The following HDAC9 variants were observed in gnomAD, a reference collection of about 807,000 sequenced individuals.
The protein encoded by HDAC9 is MEF-2 interacting transcription repressor (MITR) protein.
In HDAC9, 41 loss-of-function variants were observed where a neutral mutation model predicts 139.4. The ratio of observed to expected loss-of-function variants is 0.29; its 90% CI spans 0.23 to 0.38. The LOEUF (loss-of-function observed/expected upper bound fraction) is 0.38. Among genes scored for constraint, HDAC9 ranks in the 10% least tolerant of loss-of-function variants. The probability of loss-of-function intolerance (pLI) is 1.00; values close to 1 mark genes in which losing one functional copy is unlikely to be tolerated. For synonymous variants in HDAC9, 517 were observed against 476.2 expected (o/e 1.09, Z -1.12); for missense variants, 1,147 against 1,297.0 (o/e 0.88, Z 1.78).
At chr7:18,825,832 A>G (rs1201490333) in intron 17 of HDAC9, among the ~76,000 whole-genome samples, 3 of 148,284 alleles carry the variant, frequency 2.0e-5, no homozygotes, top group East Asian at 1.9e-4. Flanking sequence ...ACATATATAC[A>G]TATATGCACA....
intron 16 of HDAC9, among the ~76,000 whole-genome samples, chr7:18,789,318 T>C (rs2129176689): frequency 7.3e-6 from 1 of 137,386 alleles, no homozygotes; most frequent in East Asian, 2.1e-4. Flanking sequence ...ACAGTCTCTC[T>C]CTCTCTCTCT....
chr7:18,382,778 A>G (rs1374896475), intron 1 of HDAC9, among the ~76,000 whole-genome samples: 2 of 152,258 alleles, frequency 1.3e-5, no homozygotes, highest in African/African-American at 4.8e-5. Flanking sequence ...AATTATTTGG[A>G]AACAGTTATA....
At chr7:18,587,730 A>G (rs1218641718) in intron 3 of HDAC9, among the ~76,000 whole-genome samples, 1 of 152,190 alleles carries the variant, frequency 6.6e-6, no homozygotes. Flanking sequence ...TCTGCCTCCA[A>G]AGCTCTTAAG....
chr7:18,815,523 G>C (rs1461388583), intron 17 of HDAC9, among the ~76,000 whole-genome samples: 1 of 152,170 alleles, frequency 6.6e-6, no homozygotes, highest in African/African-American at 2.4e-5. Context: ...ACCATCATCA[G>C]GTGCCCTGTC....
intron 1 of HDAC9, among the ~76,000 whole-genome samples, chr7:18,354,702 G>A (rs1282556127): frequency 1.3e-5 from 2 of 152,028 alleles, no homozygotes; most frequent in African/African-American, 4.8e-5. Context: ...AGTTATCCAG[G>A]CCCAGATTTC....
Position 19,000,165 on chromosome 7 carries a change from A to G in HDAC9, c.*4103A>G, listed in dbSNP as rs1786682513. ...TTTGTTGTCTTCAGAACTGATCAAC[A>G]TGGTCATGATCATCATCAAATTTCT... On this transcript the variant is annotated 3_prime_UTR_variant, in exon 26 of 26. Coordinates refer to ENST00000686413, the MANE Select transcript of HDAC9 (RefSeq NM_178425.4). 6.6e-6 allele frequency: 1 copy of G among 152,240 alleles called. No homozygotes were observed. The highest frequency in any genetic ancestry group is 1.5e-5 in the Non-Finnish European group (1 of 68,040). The allele number at this position is 152,240 out of a possible 1,614,324, so 9.4% of individuals were successfully genotyped here. A position where few individuals can be genotyped will look rare whatever the true frequency, so the allele number is the denominator to read the frequency against.
chr7:18,985,004 G>T (rs953952014), intron 25 of HDAC9, among the ~76,000 whole-genome samples: 1 of 152,084 alleles, frequency 6.6e-6, no homozygotes, highest in Non-Finnish European at 1.5e-5. Context: ...TTTAGGTGTA[G>T]AATTGTTACA....
chr7:18,155,198 T>A (rs1386344270), intron 1 of HDAC9, among the ~76,000 whole-genome samples: 1 of 151,930 alleles, frequency 6.6e-6, no homozygotes, highest in Non-Finnish European at 1.5e-5. Context: ...TTGGTGATAA[T>A]GGTGACTGTG....
At chr7:18,137,142 G>A (rs1317595753) in intron 1 of HDAC9, among the ~76,000 whole-genome samples, 8 of 144,610 alleles carry the variant, frequency 5.5e-5, no homozygotes, top group Admixed American at 2.1e-4. Flanking sequence ...TGTGATTTTT[G>A]TACATTGATT....
chr7:18,198,060 A>G (rs1016257047), intron 2 of HDAC9, among the ~76,000 whole-genome samples: 1 of 152,170 alleles, frequency 6.6e-6, no homozygotes, highest in Non-Finnish European at 1.5e-5. Context: ...AATGGCCTTG[A>G]GTAACTTCAG....
At chr7:18,228,690 G>T (rs1793236747) in intron 2 of HDAC9, among the ~76,000 whole-genome samples, 1 of 152,004 alleles carries the variant, frequency 6.6e-6, no homozygotes, top group Non-Finnish European at 1.5e-5. Context: ...CAAAATGCAT[G>T]TGCTCACCTT....
At chr7:18,267,559 C>A (rs1163895725) in intron 2 of HDAC9, among the ~76,000 whole-genome samples, 1 of 152,094 alleles carries the variant, frequency 6.6e-6, no homozygotes, top group Non-Finnish European at 1.5e-5. Flanking sequence ...TCTTTCTGTG[C>A]CTGGCTGATT....
intron 21 of HDAC9, among the ~76,000 whole-genome samples, chr7:18,867,765 CTT>C (rs1798605205): frequency 6.6e-6 from 1 of 152,136 alleles, no homozygotes; most frequent in African/African-American, 2.4e-5. Context: ...CCTCTCCTCT[CTT>C]TTCTTGGGTC....
At chr7:18,142,696 T>G (rs949359386) in intron 1 of HDAC9, among the ~76,000 whole-genome samples, 5 of 152,248 alleles carry the variant, frequency 3.3e-5, no homozygotes, top group Admixed American at 1.3e-4. Flanking sequence ...AGCTTGCCCT[T>G]GGGCCCAGGC....
intron 24 of HDAC9, among the ~76,000 whole-genome samples, chr7:18,960,109 A>G (rs1783429528): frequency 6.6e-6 from 1 of 152,032 alleles, no homozygotes; most frequent in Non-Finnish European, 1.5e-5. Context: ...TTTGAGGACA[A>G]TTTGAAAATG....
intron 1 of HDAC9, among the ~76,000 whole-genome samples, chr7:18,400,959 C>T (rs1001785987): frequency 1.2e-4 from 18 of 152,260 alleles, no homozygotes; most frequent in African/African-American, 4.3e-4. Context: ...GTGTAATTTG[C>T]ATAAGCTAGT....
intron 6 of HDAC9, among the ~76,000 whole-genome samples, chr7:18,610,541 C>G (rs954525988): frequency 6.6e-6 from 1 of 152,210 alleles, no homozygotes; most frequent in African/African-American, 2.4e-5. Flanking sequence ...GCCCTCTAGA[C>G]GTTTAGATGG....
chr7:18,232,367 A>T (rs1274175639), intron 2 of HDAC9, among the ~76,000 whole-genome samples: 5 of 152,286 alleles, frequency 3.3e-5, no homozygotes, highest in Admixed American at 3.3e-4. Flanking sequence ...TAGTCCCAAC[A>T]CTTCCTGAGA....
chr7:18,759,279 A>C (rs1789161214), intron 14 of HDAC9, among the ~76,000 whole-genome samples: 1 of 152,134 alleles, frequency 6.6e-6, no homozygotes, highest in Admixed American at 6.5e-5. Flanking sequence ...ACCAGGCTGC[A>C]CAGCAGGAGG....
Sources: gnomAD v4.1 joint callset for allele counts (sites outside exome capture counted in the v4.1 genomes callset) on GRCh38, gnomAD v4.1.1 for gene constraint, MANE v1.5 for transcripts, NCBI Gene and HGNC (gene_info 2026-07-23, HGNC 2026-07-21) for gene names.